The following RUNDC3B variants were observed in gnomAD, a reference collection of about 807,000 sequenced individuals.
The protein encoded by RUNDC3B is RUN domain-containing protein 3B.
In RUNDC3B, 33 loss-of-function variants were observed where a neutral mutation model predicts 58.4. The ratio of observed to expected loss-of-function variants is 0.56; its 90% CI spans 0.43 to 0.75. The LOEUF is 0.75. RUNDC3B is among the 30% of genes least tolerant of loss of function. The pLI, the probability that RUNDC3B is intolerant of heterozygous loss-of-function variation, is 0.00. For missense variants in RUNDC3B, 501 were observed against 535.7 expected, an observed-to-expected ratio of 0.94 and a Z score of 0.64; for synonymous variants, 193 against 195.2, an observed-to-expected ratio of 0.99 and a Z score of 0.10.
intron 4 of RUNDC3B, among the ~76,000 whole-genome samples, chr7:87,718,142 A>G (rs1383377410): frequency 2.0e-5 from 3 of 152,196 alleles, no homozygotes; most frequent in Non-Finnish European, 4.4e-5. Context: ...TGCAAAGCAT[A>G]TAAGTAAAGG....
In RUNDC3B at chr7:87,733,711, A is replaced by G. The variant is rs78586048; in HGVS notation, c.459-6080A>G. Among the ~76,000 whole-genome samples, 81 of 152,218 alleles carry G rather than the reference A, an allele frequency of 5.3e-4. No homozygotes were observed. The East Asian group carries it at 0.013, about 25-fold the overall frequency. ...GTTAGAGTATCATAAGGAGCATGCA[A>G]CCTAGATCTTTAACATGTGCAGTTC... On this transcript the variant is annotated intron_variant, in intron 4 of 10. Transcript: ENST00000394654.
intron 2 of RUNDC3B, among the ~76,000 whole-genome samples, chr7:87,674,087 G>A (rs1309221836): frequency 6.6e-6 from 1 of 152,192 alleles, no homozygotes; most frequent in Non-Finnish European, 1.5e-5. Context: ...TGCACTGGAA[G>A]GGCCAAGGTG....
At chr7:87,785,977 G>A (rs1159711181) in intron 8 of RUNDC3B, among the ~76,000 whole-genome samples, 1 of 152,142 alleles carries the variant, frequency 6.6e-6, no homozygotes, top group East Asian at 1.9e-4. Context: ...AGGACCGAGA[G>A]CTGGTCCTTG....
chr7:87,809,915 C>T (rs970395783), intron 9 of RUNDC3B, among the ~76,000 whole-genome samples: 1 of 152,118 alleles, frequency 6.6e-6, no homozygotes, highest in African/African-American at 2.4e-5. Flanking sequence ...TTGACCAATA[C>T]CTTAAGTAAG....
chr7:87,752,264 G>A (rs1297507274), intron 6 of RUNDC3B, among the ~76,000 whole-genome samples: 2 of 152,130 alleles, frequency 1.3e-5, no homozygotes, highest in South Asian at 2.1e-4. Flanking sequence ...ATGTGCTGCT[G>A]GATTCTGTTT....
chr7:87,691,582 C>G (rs1256570802), intron 2 of RUNDC3B, among the ~76,000 whole-genome samples: 1 of 152,146 alleles, frequency 6.6e-6, no homozygotes, highest in Non-Finnish European at 1.5e-5. Flanking sequence ...CTTCTACAAA[C>G]AAGCCCTGGG....
chr7:87,719,536 A>C (rs1360006223), intron 4 of RUNDC3B, among the ~76,000 whole-genome samples: 1 of 151,980 alleles, frequency 6.6e-6, no homozygotes, highest in East Asian at 1.9e-4. Flanking sequence ...GCTGTAGTAT[A>C]GGGGAAGAAA....
chr7:87,828,132 C>T (rs1357727540), intron 10 of RUNDC3B, among the ~76,000 whole-genome samples: 1 of 152,136 alleles, frequency 6.6e-6, no homozygotes, highest in Non-Finnish European at 1.5e-5. Context: ...CATCAAACAA[C>T]TTGTGGGTAA....
intron 6 of RUNDC3B, among the ~76,000 whole-genome samples, chr7:87,745,260 A>G (rs1335763527): frequency 1.3e-5 from 2 of 152,162 alleles, no homozygotes; most frequent in Non-Finnish European, 2.9e-5. Context: ...TTCATCAAGA[A>G]TATAGGTCTG....
chr7:87,752,614 G>A (rs1833084668), intron 6 of RUNDC3B, among the ~76,000 whole-genome samples: 1 of 152,178 alleles, frequency 6.6e-6, no homozygotes, highest in Non-Finnish European at 1.5e-5. Flanking sequence ...GAGAGTGTAT[G>A]TGTTGAGGAA....
intron 2 of RUNDC3B, among the ~76,000 whole-genome samples, chr7:87,686,724 A>C (rs1477463195): frequency 6.6e-6 from 1 of 151,088 alleles, no homozygotes; most frequent in Non-Finnish European, 1.5e-5. Flanking sequence ...AGATCACTTG[A>C]GGCCCAGGAG....
intron 6 of RUNDC3B, among the ~76,000 whole-genome samples, chr7:87,743,572 G>A (rs962434347): frequency 1.3e-5 from 2 of 152,076 alleles, no homozygotes; most frequent in African/African-American, 4.8e-5. Flanking sequence ...CATTAGTGAT[G>A]TTGCGCATTT....
intron 2 of RUNDC3B, among the ~76,000 whole-genome samples, 185 bp downstream of exon 2, chr7:87,651,122 G>A (rs1823528504): frequency 6.6e-6 from 1 of 152,112 alleles, no homozygotes; most frequent in Non-Finnish European, 1.5e-5. Flanking sequence ...TTTCTGGGAT[G>A]CATTGAAAAT....
chr7:87,755,328 AC>A (rs1439763723), intron 6 of RUNDC3B, among the ~76,000 whole-genome samples: 2 of 152,090 alleles, frequency 1.3e-5, no homozygotes, highest in Non-Finnish European at 2.9e-5. Flanking sequence ...GCCAGCTGAT[AC>A]CATTTCTGAT....
intron 2 of RUNDC3B, among the ~76,000 whole-genome samples, chr7:87,661,051 C>T (rs988263919): frequency 2.6e-5 from 4 of 151,726 alleles, no homozygotes; most frequent in Admixed American, 2.6e-4. Context: ...ATGTTATTTA[C>T]ATTTTTTGGC....
intron 2 of RUNDC3B, among the ~76,000 whole-genome samples, chr7:87,677,694 A>G (rs562116145): frequency 3.9e-5 from 6 of 152,334 alleles, no homozygotes; most frequent in African/African-American, 1.4e-4. Flanking sequence ...AAAAAACCCA[A>G]CAAAACCTCA....
chr7:87,712,506 A>T (rs897297120), intron 4 of RUNDC3B, among the ~76,000 whole-genome samples: 7 of 152,094 alleles, frequency 4.6e-5, no homozygotes, highest in Non-Finnish European at 1.0e-4. Flanking sequence ...AGAATATTGA[A>T]TCAAAGTTAT....
At chr7:87,817,193 G>C (rs776402220) in intron 10 of RUNDC3B, among the ~76,000 whole-genome samples, 6 of 152,070 alleles carry the variant, frequency 3.9e-5, no homozygotes, top group Admixed American at 2.0e-4. Context: ...TACAATTACA[G>C]TCAATTTATA....
chr7:87,741,550 C>G lies in RUNDC3B; in HGVS notation c.600C>G (p.Asp200Glu). 1 of 1,585,954 alleles carries G rather than the reference C, an allele frequency of 6.3e-7. No individual in the cohort carries two copies. Among genetic ancestry groups the G allele is most frequent in the African/African-American group, 1.3e-5 (1 of 74,298 alleles). ...ATGGCAGTTTTCCTGCTGTAATAGA[C>G]TATACACCATATTTGAAGTATATCC... Reference protein sequence around the residue: ...GLDGSFPAVIDYTPYLKYIQS... With the variant: ...GLDGSFPAVIEYTPYLKYIQS... Residue 200 changes from aspartate to glutamate, a missense_variant, in exon 6 of 11, where the codon GAC becomes GAG. Transcript: ENST00000394654.
Sources: allele counts gnomAD v4.1 joint callset (sites outside exome capture counted in the v4.1 genomes callset), GRCh38; gene constraint gnomAD v4.1.1; transcripts MANE v1.5; gene names NCBI Gene and HGNC (gene_info 2026-07-23, HGNC 2026-07-21).